Variants in HOOK1 observed in about 807,000 individuals in gnomAD.
HOOK1 encodes protein Hook homolog 1.
A neutral mutation model predicts 112.8 loss-of-function variants in HOOK1; 60 were observed. That is an observed-to-expected ratio of 0.53 (90% CI 0.43 to 0.66). The LOEUF (loss-of-function observed/expected upper bound fraction) is 0.66. HOOK1 is among the 30% of genes least tolerant of loss of function. The probability of loss-of-function intolerance (pLI) is 0.00; values close to 1 mark genes in which losing one functional copy is unlikely to be tolerated. For missense variants in HOOK1, 770 were observed against 856.0 expected, an observed-to-expected ratio of 0.90 and a Z score of 1.25; for synonymous variants, 294 against 283.8, an observed-to-expected ratio of 1.04 and a Z score of -0.36.
At chr1:59,817,971 A>G (rs1478261188) in intron 1 of HOOK1, among the ~76,000 whole-genome samples, 2 of 152,210 alleles carry the variant, frequency 1.3e-5, no homozygotes, top group Non-Finnish European at 1.5e-5. Context: ...GATAGTAAAT[A>G]TCATTGCCTT....
chr1:59,863,556 T>A (rs2098414698), intron 16 of HOOK1, among the ~76,000 whole-genome samples: 2 of 152,124 alleles, frequency 1.3e-5, no homozygotes, highest in South Asian at 4.1e-4. Context: ...CAGTTTGATC[T>A]TTTTATGTGA....
In HOOK1 at chr1:59,874,152, T is replaced by G. The variant is rs1369616310; in HGVS notation, c.*1187T>G. 1 of 152,080 alleles carries G rather than the reference T, an allele frequency of 6.6e-6. No homozygotes were observed. The highest frequency in any genetic ancestry group is 2.4e-5 in the African/African-American group (1 of 41,410). The allele number at this position is 152,080 out of a possible 1,614,324, so 9.4% of individuals were successfully genotyped here. ...TAAATTTAATTAATTATAAACTCAG[T>G]CTCTTGGTTGCACCAGCCACATTTC... On this transcript the variant is annotated 3_prime_UTR_variant, in exon 22 of 22. Transcript: ENST00000371208.
intron 3 of HOOK1, among the ~76,000 whole-genome samples, chr1:59,830,764 C>G (rs2098393298): frequency 6.6e-6 from 1 of 152,050 alleles, no homozygotes; most frequent in Non-Finnish European, 1.5e-5. Context: ...TCTTTCATTT[C>G]TGAACCCATG....
chr1:59,847,611 A>T (rs2098404752), intron 10 of HOOK1, among the ~76,000 whole-genome samples: 1 of 151,494 alleles, frequency 6.6e-6, no homozygotes, highest in South Asian at 2.1e-4. Context: ...TTTTTGGGGG[A>T]GGATTGTCAT....
chr1:59,832,124 T>C (rs759716057), intron 3 of HOOK1, 39 bp from the exon 4 acceptor site: 1 of 1,182,426 alleles, frequency 8.5e-7, no homozygotes, highest in South Asian at 1.4e-5. Flanking sequence ...TCTTTCATTA[T>C]TAATCTGAAA....
chr1:59,827,140 A>C (rs903222287), intron 2 of HOOK1, among the ~76,000 whole-genome samples: 9 of 152,180 alleles, frequency 5.9e-5, no homozygotes, highest in African/African-American at 1.9e-4. Flanking sequence ...GTAAGCCAGC[A>C]GGCTAGAGAC....
At chr1:59,872,332 T>G (rs920636041) in intron 21 of HOOK1, among the ~76,000 whole-genome samples, 1 of 152,252 alleles carries the variant, frequency 6.6e-6, no homozygotes, top group Non-Finnish European at 1.5e-5. Flanking sequence ...CACAAATTGC[T>G]AGACGCACTG....
intron 9 of HOOK1, among the ~76,000 whole-genome samples, chr1:59,845,346 A>G (rs1362797290): frequency 6.6e-6 from 1 of 151,970 alleles, no homozygotes; most frequent in African/African-American, 2.4e-5. Flanking sequence ...ATCTACAGTC[A>G]TTTCATCTAT....
chr1:59,870,381 G>A (rs933747279), intron 20 of HOOK1, among the ~76,000 whole-genome samples: 2 of 152,180 alleles, frequency 1.3e-5, no homozygotes, highest in African/African-American at 4.8e-5. Flanking sequence ...CATCCCTCTG[G>A]GAATTCTGTG....
chr1:59,862,752 C>T, intron 15 of HOOK1, 32 bp from the exon 16 acceptor site: 1 of 1,331,504 alleles, frequency 7.5e-7, no homozygotes. Context: ...ACTTTCAATA[C>T]AAGTAAATGC....
Position 59,872,998 on chromosome 1 carries a change from C to T in HOOK1, c.*33C>T. On this transcript the variant is annotated 3_prime_UTR_variant, in exon 22 of 22. Coordinates refer to ENST00000371208, the MANE Select transcript of HOOK1 (RefSeq NM_015888.6). ...AAAAAACAAAACAAAACAAAAAAACCACATAAAATAGAAGTGTCCTTAAAA... is the reference window on the plus strand; with the variant it reads ...AAAAAACAAAACAAAACAAAAAAACTACATAAAATAGAAGTGTCCTTAAAA... 1 of 1,407,324 alleles carries T rather than the reference C, an allele frequency of 7.1e-7. No homozygotes were observed. Among genetic ancestry groups the T allele is most frequent in the Non-Finnish European group, 9.4e-7 (1 of 1,062,096 alleles). 87.2% of individuals were successfully genotyped at this position (1,407,324 alleles called of 1,614,324 possible).
chr1:59,815,636 A>T (rs754813338), intron 1 of HOOK1, among the ~76,000 whole-genome samples: 1 of 151,622 alleles, frequency 6.6e-6, no homozygotes, highest in African/African-American at 2.4e-5. Flanking sequence ...ACCTTGCTCT[A>T]CCTGGACACA....
rs1198161781 is a variant in HOOK1 at position 59,873,029 on chromosome 1, TG to T, written c.*65del. 8.1e-7 allele frequency: 1 copy of T among 1,233,670 alleles called. No homozygotes were observed. The highest frequency in any genetic ancestry group is 1.1e-6 in the Non-Finnish European group (1 of 952,240). 76.4% of individuals were successfully genotyped at this position (1,233,670 alleles called of 1,614,324 possible). On this transcript the variant is annotated 3_prime_UTR_variant, in exon 22 of 22. Coordinates refer to ENST00000371208, the MANE Select transcript of HOOK1 (RefSeq NM_015888.6). ...AAATAGAAGTGTCCTTAAAATATTT[TG>T]TACCTTTCAACTAACTACCAGATTG...
In HOOK1 at chr1:59,815,188, C is replaced by T; in HGVS notation, c.63+8C>T. 6.5e-7 allele frequency: 1 copy of T among 1,542,558 alleles called. No individual in the cohort carries two copies. The highest frequency in any genetic ancestry group is 1.4e-5 in the African/African-American group (1 of 72,904). On this transcript the variant is annotated splice_region_variant and intron_variant, in intron 1 of 21. Coordinates refer to ENST00000371208, the MANE Select transcript of HOOK1 (RefSeq NM_015888.6). ...GACAGCCTCATGATCTGGGTGAGTG[C>T]GAGGAGGCGAGAGGGCGAGGGGGCC...
chr1:59,824,938 C>T (rs555918631), intron 2 of HOOK1, among the ~76,000 whole-genome samples: 6 of 152,176 alleles, frequency 3.9e-5, no homozygotes, highest in Non-Finnish European at 7.3e-5. Context: ...TCAATTCTCT[C>T]ACACTTTTGG....
chr1:59,865,252 A>G lies in HOOK1; in HGVS notation c.1744+7A>G, dbSNP rs1257686343. The G allele has an allele frequency of 1.9e-6, 3 of 1,556,322 alleles. No homozygotes were observed. The highest frequency in any genetic ancestry group is 8.9e-7 in the Non-Finnish European group (1 of 1,127,396). ...CCAGATATAAATCAAAATGGTAGGT[A>G]TCTGTGAAAACTTGGATCAGACAAC... On this transcript the variant is annotated splice_region_variant and intron_variant, in intron 18 of 21. Coordinates refer to ENST00000371208, the MANE Select transcript of HOOK1 (RefSeq NM_015888.6).
At chr1:59,862,249 C>G (rs765982214) in intron 15 of HOOK1, among the ~76,000 whole-genome samples, 18 of 152,240 alleles carry the variant, frequency 1.2e-4, no homozygotes, top group Non-Finnish European at 2.6e-4. Context: ...CTAACTCTTG[C>G]TAGTAACTTC....
intron 12 of HOOK1, 94 bp from the exon 13 acceptor site, chr1:59,858,334 C>T: frequency 1.2e-6 from 1 of 810,878 alleles, no homozygotes; most frequent in Non-Finnish European, 2.1e-6. Flanking sequence ...AATTAAGCAA[C>T]AATTATTAAA....
rs1469168883 is a variant in HOOK1, at chr1:59,864,656, G to T, written c.1651G>T (p.Glu551Ter). The T allele has an allele frequency of 6.5e-7, 1 of 1,543,738 alleles. No homozygotes were observed. The highest frequency in any genetic ancestry group is 1.4e-5 in the African/African-American group (1 of 72,904). ...ESSSKLKQKL[E>*]AHMEKLTEVH... ...GTCCAGCAAATTAAAGCAGAAGTTG[G>T]AAGCTCATATGTAAGTAAAACTGAT... Residue 551 changes from glutamate (E) to a stop codon, truncating the protein, a stop_gained, in exon 17 of 22, where the codon GAA (glutamate) becomes TAA (stop). Coordinates refer to ENST00000371208, the MANE Select transcript of HOOK1 (RefSeq NM_015888.6). LOFTEE classifies it high-confidence loss of function.
Sources: allele counts gnomAD v4.1 joint callset (sites outside exome capture counted in the v4.1 genomes callset), GRCh38; gene constraint gnomAD v4.1.1; transcripts MANE v1.5; gene names NCBI Gene and HGNC (gene_info 2026-07-23, HGNC 2026-07-21).